The following SFSWAP variants were observed in gnomAD, a reference collection of about 807,000 sequenced individuals.
SFSWAP encodes the protein splicing factor SWAP.
In SFSWAP, 17 loss-of-function variants were observed where a neutral mutation model predicts 100.7. The ratio of observed to expected loss-of-function variants is 0.17; its 90% CI spans 0.12 to 0.25. The LOEUF is 0.25. SFSWAP is among the 10% of genes least tolerant of loss of function. The pLI is 1.00. For synonymous variants in SFSWAP, 504 were observed against 510.1 expected (o/e 0.99, Z 0.16); for missense variants, 1,005 against 1,262.6 (o/e 0.80, Z 3.09).
intron 6 of SFSWAP, among the ~76,000 whole-genome samples, chr12:131,727,274 G>T (rs1192150535): frequency 1.3e-5 from 2 of 152,206 alleles, no homozygotes; most frequent in Non-Finnish European, 2.9e-5. Flanking sequence ...ATTTGCTCAG[G>T]ATAATTTTAC....
intron 14 of SFSWAP, among the ~76,000 whole-genome samples, chr12:131,781,228 C>CTTATTATTA (rs200223221): frequency 3.0e-4 from 30 of 98,792 alleles, no homozygotes; most frequent in Non-Finnish European, 4.8e-4. Flanking sequence ...GCAAATATAT[C>CTTATTATTA]TTATTATTTT....
chr12:131,755,887 C>G (rs1882108902), intron 10 of SFSWAP, among the ~76,000 whole-genome samples: 1 of 152,238 alleles, frequency 6.6e-6, no homozygotes, highest in Admixed American at 6.5e-5. Context: ...TGGGGGTGTC[C>G]TGCAGCACGG....
chr12:131,729,977 C>T (rs2136192792), intron 7 of SFSWAP, among the ~76,000 whole-genome samples: 1 of 152,284 alleles, frequency 6.6e-6, no homozygotes, highest in Non-Finnish European at 1.5e-5. Flanking sequence ...CATGTGTCCC[C>T]CCAAAAACCT....
chr12:131,754,734 A>G (rs1436812302), intron 9 of SFSWAP, among the ~76,000 whole-genome samples: 1 of 146,244 alleles, frequency 6.8e-6, no homozygotes, highest in African/African-American at 2.5e-5. Flanking sequence ...CCTGGGCTCA[A>G]GCAATTCTCC....
intron 15 of SFSWAP, among the ~76,000 whole-genome samples, chr12:131,790,146 G>A (rs969446026): frequency 2.0e-5 from 3 of 152,142 alleles, no homozygotes; most frequent in Non-Finnish European, 2.9e-5. Flanking sequence ...GTGGACTCAG[G>A]AGCATTTTTG....
chr12:131,719,420 T>G, intron 3 of SFSWAP, 34 bp from the exon 4 acceptor site: 1 of 1,550,542 alleles, frequency 6.4e-7, no homozygotes, highest in Non-Finnish European at 8.9e-7. Context: ...CCTCCCTGCA[T>G]TGTTCTGAAT....
At chr12:131,738,481 C>T (rs1398887995) in intron 7 of SFSWAP, among the ~76,000 whole-genome samples, 1 of 152,170 alleles carries the variant, frequency 6.6e-6, no homozygotes, top group Non-Finnish European at 1.5e-5. Context: ...TCTAGAAATA[C>T]TTACGTTAAA....
chr12:131,729,706 T>C (rs1226662203), intron 7 of SFSWAP, among the ~76,000 whole-genome samples: 1 of 152,178 alleles, frequency 6.6e-6, no homozygotes, highest in East Asian at 1.9e-4. Flanking sequence ...AGAGGTTAAA[T>C]ATGGAATGAG....
In SFSWAP at chr12:131,754,406, C is replaced by A; in HGVS notation, c.1361C>A (p.Pro454His). The stretch of plus-strand genomic sequence containing the variant: ...GTGGCCGCCATCATCCCCCCGCCCC[C>A]CGACGTCCAGCCCGTGATTGACAAG... ...APVAAIIPPP[P>H]DVQPVIDKLA... Residue 454 changes from proline (P) to histidine (H), a missense_variant, in exon 9 of 18, where the codon CCC (proline) becomes CAC (histidine). Pro to His is a moderately conservative substitution (Grantham distance 77). Transcript: ENST00000261674. The A allele has an allele frequency of 6.3e-7, 1 of 1,599,290 alleles. No homozygotes were observed. Among genetic ancestry groups the A allele is most frequent in the Non-Finnish European group, 8.5e-7 (1 of 1,174,784 alleles).
chr12:131,763,777 G>A (rs1455423358), intron 11 of SFSWAP, among the ~76,000 whole-genome samples: 1 of 151,586 alleles, frequency 6.6e-6, no homozygotes, highest in Admixed American at 6.6e-5. Flanking sequence ...CACATCATAT[G>A]CCTCCTGAAG....
chr12:131,731,191 C>T (rs1016464889), intron 7 of SFSWAP, among the ~76,000 whole-genome samples: 8 of 152,208 alleles, frequency 5.3e-5, no homozygotes, highest in Non-Finnish European at 1.2e-4. Context: ...TGTACTCAGG[C>T]GCTCAGCCTT....
At chr12:131,787,303 C>T (rs1884963257) in intron 15 of SFSWAP, among the ~76,000 whole-genome samples, 1 of 152,190 alleles carries the variant, frequency 6.6e-6, no homozygotes, top group South Asian at 2.1e-4. Context: ...TCCGCTCACC[C>T]CGGCTTCCAG....
intron 11 of SFSWAP, among the ~76,000 whole-genome samples, chr12:131,764,146 A>G (rs1882909367): frequency 6.6e-6 from 1 of 152,192 alleles, no homozygotes; most frequent in Non-Finnish European, 1.5e-5. Flanking sequence ...GAAAAGAAAA[A>G]TGACAAGAAT....
intron 14 of SFSWAP, among the ~76,000 whole-genome samples, chr12:131,779,075 C>A (rs1348938954): frequency 6.7e-6 from 1 of 149,794 alleles, no homozygotes; most frequent in Non-Finnish European, 1.5e-5. Context: ...TCTGCACACG[C>A]ACTCACCGGC....
chr12:131,718,026 C>A (rs1036022377), intron 3 of SFSWAP, among the ~76,000 whole-genome samples: 1 of 152,182 alleles, frequency 6.6e-6, no homozygotes, highest in Non-Finnish European at 1.5e-5. Context: ...CCACCACACC[C>A]GGTTACAGGT....
chr12:131,771,548 C>G (rs1414012468), intron 13 of SFSWAP, among the ~76,000 whole-genome samples: 1 of 152,078 alleles, frequency 6.6e-6, no homozygotes, highest in East Asian at 1.9e-4. Flanking sequence ...TCTTCATGTC[C>G]CTGTCGGCAT....
intron 11 of SFSWAP, among the ~76,000 whole-genome samples, chr12:131,758,280 T>C (rs1882362316): frequency 6.6e-6 from 1 of 151,960 alleles, no homozygotes; most frequent in African/African-American, 2.4e-5. Flanking sequence ...AGCGTGACCT[T>C]CTCCACACTT....
chr12:131,727,138 C>T, intron 6 of SFSWAP, 86 bp downstream of exon 6: 1 of 764,694 alleles, frequency 1.3e-6, no homozygotes, highest in Non-Finnish European at 2.3e-6. Flanking sequence ...GCATGTCATT[C>T]TTGTGTGTTA....
At chr12:131,745,520 C>T (rs1355519440) in intron 7 of SFSWAP, among the ~76,000 whole-genome samples, 1 of 152,184 alleles carries the variant, frequency 6.6e-6, no homozygotes, top group Non-Finnish European at 1.5e-5. Flanking sequence ...CTTGAGAATG[C>T]AGAATTCAGT....
Sources: gnomAD v4.1 joint callset for allele counts (sites outside exome capture counted in the v4.1 genomes callset) on GRCh38, gnomAD v4.1.1 for gene constraint, MANE v1.5 for transcripts, NCBI Gene and HGNC (gene_info 2026-07-23, HGNC 2026-07-21) for gene names.